CTNNA3: variants seen among roughly 807,000 people sequenced by gnomAD.
The protein encoded by CTNNA3 is catenin alpha 3.
In CTNNA3, 76 loss-of-function variants were observed where a neutral mutation model predicts 95.7. That is an observed-to-expected ratio of 0.79 (90% CI 0.66 to 0.96). The LOEUF (loss-of-function observed/expected upper bound fraction) is 0.96, where lower values mean the gene tolerates loss of function less well. Among genes scored for constraint, CTNNA3 ranks in the 40% least tolerant of loss-of-function variants. CTNNA3 has a pLI of 0.00. For missense variants in CTNNA3, 1,191 were observed against 1,089.8 expected (o/e 1.09, Z -1.31); for synonymous variants, 431 against 374.4 (o/e 1.15, Z -1.74).
intron 1 of CTNNA3, among the ~76,000 whole-genome samples, chr10:67,726,570 T>G (rs1841226353): frequency 1.4e-5 from 1 of 72,236 alleles, no homozygotes; most frequent in Non-Finnish European, 2.2e-5. Flanking sequence ...TAATATATAT[T>G]ACATATTATA....
intron 1 of CTNNA3, among the ~76,000 whole-genome samples, chr10:67,689,980 A>G (rs1427117597): frequency 2.0e-5 from 3 of 152,162 alleles, no homozygotes; most frequent in Admixed American, 6.5e-5. Flanking sequence ...TGTGTCCAGA[A>G]TTGGTTGCTT....
intron 7 of CTNNA3, among the ~76,000 whole-genome samples, chr10:67,035,749 T>C (rs1388282197): frequency 6.6e-6 from 1 of 152,054 alleles, no homozygotes; most frequent in Non-Finnish European, 1.5e-5. Flanking sequence ...ATGCTTTCAC[T>C]GTATTGAGCT....
intron 11 of CTNNA3, among the ~76,000 whole-genome samples, 166 bp from the exon 12 acceptor site, chr10:66,379,518 C>T (rs2092820855): frequency 1.3e-5 from 2 of 152,020 alleles, no homozygotes; most frequent in South Asian, 4.2e-4. Context: ...TGCTTACATC[C>T]CTTTATTCTT....
At chr10:67,257,922 A>G (rs577816264) in intron 5 of CTNNA3, among the ~76,000 whole-genome samples, 1 of 152,194 alleles carries the variant, frequency 6.6e-6, no homozygotes, top group East Asian at 1.9e-4. Flanking sequence ...CTCTCCTTAC[A>G]TCATCACAAA....
intron 12 of CTNNA3, among the ~76,000 whole-genome samples, chr10:66,367,907 T>C (rs868499605): frequency 9.9e-6 from 1 of 101,314 alleles, no homozygotes; most frequent in Non-Finnish European, 2.1e-5. Context: ...TTATTATTAT[T>C]ATTATTATTA....
At chr10:67,419,540 T>G (rs1845672030) in intron 5 of CTNNA3, among the ~76,000 whole-genome samples, 1 of 152,094 alleles carries the variant, frequency 6.6e-6, no homozygotes, top group Non-Finnish European at 1.5e-5. Flanking sequence ...TATACAGTGT[T>G]GATTGTTTTT....
At chr10:66,427,132 C>G (rs993557585) in intron 11 of CTNNA3, among the ~76,000 whole-genome samples, 2 of 151,866 alleles carry the variant, frequency 1.3e-5, no homozygotes, top group African/African-American at 4.8e-5. Context: ...AATTGTAACT[C>G]TACCCTTTAG....
At chr10:66,438,841 T>A (rs1157048523) in intron 11 of CTNNA3, among the ~76,000 whole-genome samples, 1 of 152,124 alleles carries the variant, frequency 6.6e-6, no homozygotes, top group Non-Finnish European at 1.5e-5. Flanking sequence ...CAAAGGAATC[T>A]CCTGATCTGT....
rs2077038039 is a variant in CTNNA3 at position 65,918,797 on chromosome 10, C to T, written c.*1533G>A. ...ACCTATTAAATAGATCCTTCTTTTC[C>T]CATACCATTATGCTTAAGATTCCAC... On this transcript the variant is annotated 3_prime_UTR_variant, in exon 18 of 18. Coordinates refer to ENST00000433211, the MANE Select transcript of CTNNA3 (RefSeq NM_013266.4). 1.3e-5 allele frequency: 2 copies of T among 152,054 alleles called. No homozygotes were observed. The allele number at this position is 152,054 out of a possible 1,614,324, so 9.4% of individuals were successfully genotyped here.
chr10:66,200,797 C>T (rs7908065), intron 13 of CTNNA3, among the ~76,000 whole-genome samples: 5,663 of 152,218 alleles, frequency 0.037, 377 homozygotes, highest in African/African-American at 0.13. Context: ...AATTTAATAG[C>T]TAAAGCTTAG....
chr10:66,977,589 G>A (rs949882525), intron 7 of CTNNA3, among the ~76,000 whole-genome samples: 1 of 152,120 alleles, frequency 6.6e-6, no homozygotes, highest in Admixed American at 6.5e-5. Flanking sequence ...GAAAGCCAGA[G>A]GTACTTCAGC....
At chr10:67,189,638 C>T (rs1863030026) in intron 6 of CTNNA3, among the ~76,000 whole-genome samples, 1 of 148,654 alleles carries the variant, frequency 6.7e-6, no homozygotes, top group Non-Finnish European at 1.5e-5. Context: ...AAAAAACAGT[C>T]TGGATGTGAT....
chr10:66,554,275 G>A (rs572678971), intron 10 of CTNNA3, among the ~76,000 whole-genome samples: 2 of 152,000 alleles, frequency 1.3e-5, no homozygotes, highest in African/African-American at 2.4e-5. Flanking sequence ...CCTGAATACA[G>A]ATATTTTATC....
intron 10 of CTNNA3, among the ~76,000 whole-genome samples, chr10:66,584,130 C>T (rs1843284373): frequency 2.6e-5 from 4 of 151,802 alleles, no homozygotes; most frequent in Admixed American, 2.0e-4. Context: ...CTTCCATGTG[C>T]TGATGAGAAG....
chr10:66,137,695 C>A (rs1236847132), intron 13 of CTNNA3, among the ~76,000 whole-genome samples: 1 of 152,030 alleles, frequency 6.6e-6, no homozygotes, highest in Non-Finnish European at 1.5e-5. Flanking sequence ...TGCCTTAACC[C>A]CAGCAGTTTG....
intron 10 of CTNNA3, among the ~76,000 whole-genome samples, chr10:66,593,518 A>G (rs1245644741): frequency 6.6e-6 from 1 of 152,074 alleles, no homozygotes; most frequent in Non-Finnish European, 1.5e-5. Context: ...TGCATTTCTA[A>G]GTTTCCAGGT....
intron 7 of CTNNA3, among the ~76,000 whole-genome samples, chr10:67,006,158 G>C (rs1260425414): frequency 6.6e-6 from 1 of 152,054 alleles, no homozygotes; most frequent in African/African-American, 2.4e-5. Context: ...TTCTTGCAGG[G>C]AAGCTGAGTT....
At chr10:66,874,361 T>A (rs1589364895) in intron 7 of CTNNA3, among the ~76,000 whole-genome samples, 1 of 152,182 alleles carries the variant, frequency 6.6e-6, no homozygotes, top group Non-Finnish European at 1.5e-5. Flanking sequence ...ACAAGTTTTG[T>A]CATATTTGGA....
intron 11 of CTNNA3, among the ~76,000 whole-genome samples, chr10:66,445,549 G>T (rs548923092): frequency 3.9e-5 from 6 of 151,926 alleles, no homozygotes; most frequent in South Asian, 2.1e-4. Context: ...ACATGGAAAC[G>T]GAACAACTTG....
Sources: gnomAD v4.1 joint callset for allele counts (sites outside exome capture counted in the v4.1 genomes callset) on GRCh38, gnomAD v4.1.1 for gene constraint, MANE v1.5 for transcripts, NCBI Gene and HGNC (gene_info 2026-07-23, HGNC 2026-07-21) for gene names.